SLC8A1: variants seen among roughly 807,000 people sequenced by gnomAD.
The protein encoded by SLC8A1 is solute carrier family 8 member A1.
SLC8A1 carries 18 observed loss-of-function variants against 68.3 expected under a neutral mutation model. That is an observed-to-expected ratio of 0.26 (90% confidence interval 0.18 to 0.39). The LOEUF is 0.39. SLC8A1 is among the 10% of genes least tolerant of loss of function. The pLI, the probability that SLC8A1 is intolerant of heterozygous loss-of-function variation, is 1.00. For missense variants in SLC8A1, 985 were observed against 1,156.7 expected, an observed-to-expected ratio of 0.85 and a Z score of 2.15; for synonymous variants, 475 against 415.5, an observed-to-expected ratio of 1.14 and a Z score of -1.74.
intron 2 of SLC8A1, among the ~76,000 whole-genome samples, chr2:40,414,425 T>C (rs1055433400): frequency 6.6e-6 from 1 of 152,210 alleles, no homozygotes; most frequent in African/African-American, 2.4e-5. Flanking sequence ...CAGTGTTATT[T>C]GTACATCTGC....
intron 2 of SLC8A1, among the ~76,000 whole-genome samples, chr2:40,224,110 T>A (rs1364150570): frequency 6.6e-6 from 1 of 152,172 alleles, no homozygotes; most frequent in East Asian, 1.9e-4. Context: ...TACATGATGT[T>A]GCTCGGCAGT....
intron 2 of SLC8A1, among the ~76,000 whole-genome samples, chr2:40,397,710 T>G (rs1462707620): frequency 6.6e-6 from 1 of 152,014 alleles, no homozygotes; most frequent in Non-Finnish European, 1.5e-5. Context: ...CATTCAGAAG[T>G]GGAAAGGATT....
chr2:40,239,316 G>C (rs2060886390), intron 2 of SLC8A1, among the ~76,000 whole-genome samples: 1 of 152,116 alleles, frequency 6.6e-6, no homozygotes, highest in Non-Finnish European at 1.5e-5. Context: ...TTAGCTGTCT[G>C]AGTGGCACAC....
chr2:40,497,990 A>G (rs1396470279), intron 1 of SLC8A1, among the ~76,000 whole-genome samples: 1 of 152,008 alleles, frequency 6.6e-6, no homozygotes, highest in African/African-American at 2.4e-5. Context: ...ATGGTAATGG[A>G]TATGAGAGAC....
At chr2:40,322,937 A>G (rs914299719) in intron 2 of SLC8A1, among the ~76,000 whole-genome samples, 5 of 152,258 alleles carry the variant, frequency 3.3e-5, no homozygotes, top group Middle Eastern at 6.8e-3. Context: ...AAAGATAAAT[A>G]GAGACATATT....
At chr2:40,210,293 T>A (rs2056350977) in intron 2 of SLC8A1, among the ~76,000 whole-genome samples, 1 of 152,010 alleles carries the variant, frequency 6.6e-6, no homozygotes, top group Non-Finnish European at 1.5e-5. Context: ...AACAAGAGCT[T>A]TATTAACACA....
At chr2:40,247,529 A>G (rs2062047608) in intron 2 of SLC8A1, among the ~76,000 whole-genome samples, 1 of 152,104 alleles carries the variant, frequency 6.6e-6, no homozygotes, top group African/African-American at 2.4e-5. Context: ...CTTATGCTAG[A>G]GCACCAGATG....
At chr2:40,348,646 G>A (rs1049331691) in intron 2 of SLC8A1, among the ~76,000 whole-genome samples, 1 of 152,146 alleles carries the variant, frequency 6.6e-6, no homozygotes, top group African/African-American at 2.4e-5. Context: ...TACGGGGATG[G>A]GTCTTGCAGA....
At chr2:40,252,880 ATTTTGAGCCAAATTTTATATG>A (rs879397799) in intron 2 of SLC8A1, among the ~76,000 whole-genome samples, 10,875 of 129,524 alleles carry the variant, frequency 0.084, 416 homozygotes, top group African/African-American at 0.15. Context: ...AATAATATAT[ATTTTGAGCCAAATTTTATATG>A]TATGTATATG....
intron 2 of SLC8A1, among the ~76,000 whole-genome samples, chr2:40,409,547 G>C (rs7577611): frequency 0.064 from 9,782 of 152,238 alleles, 747 homozygotes; most frequent in East Asian, 0.38. Context: ...GAGCAGGTAT[G>C]CAGTCATTCC....
chr2:40,182,392 A>G (rs552630802), intron 2 of SLC8A1, among the ~76,000 whole-genome samples: 7 of 152,356 alleles, frequency 4.6e-5, no homozygotes, highest in Non-Finnish European at 1.0e-4. Flanking sequence ...GTTTCTGGAA[A>G]CTAGCAAAGC....
At chr2:40,304,709 A>G (rs1387576121) in intron 2 of SLC8A1, among the ~76,000 whole-genome samples, 1 of 151,828 alleles carries the variant, frequency 6.6e-6, no homozygotes, top group African/African-American at 2.4e-5. Flanking sequence ...CTGCTCACTG[A>G]TCACCTCCAC....
At chr2:40,373,230 T>G (rs989553642) in intron 2 of SLC8A1, among the ~76,000 whole-genome samples, 4 of 152,104 alleles carry the variant, frequency 2.6e-5, no homozygotes, top group African/African-American at 9.7e-5. Context: ...AAATTAAATT[T>G]ATCTCTGGGT....
At chr2:40,261,521 G>C (rs975295824) in intron 2 of SLC8A1, among the ~76,000 whole-genome samples, 2 of 152,164 alleles carry the variant, frequency 1.3e-5, no homozygotes, top group Non-Finnish European at 2.9e-5. Context: ...CAATCCCAAG[G>C]TCTTTCTTGG....
At chr2:40,240,597 A>C (rs1482712551) in intron 2 of SLC8A1, among the ~76,000 whole-genome samples, 2 of 152,250 alleles carry the variant, frequency 1.3e-5, no homozygotes, top group Non-Finnish European at 2.9e-5. Flanking sequence ...ATTTATGAAC[A>C]CTTTTTTGTA....
chr2:40,379,429 C>T (rs1680993232), intron 2 of SLC8A1, among the ~76,000 whole-genome samples: 1 of 152,032 alleles, frequency 6.6e-6, no homozygotes, highest in Admixed American at 6.6e-5. Flanking sequence ...TAAGATGATA[C>T]TTAAATTTTG....
chr2:40,416,674 C>G (rs993689042), intron 2 of SLC8A1, among the ~76,000 whole-genome samples: 11 of 152,052 alleles, frequency 7.2e-5, no homozygotes, highest in African/African-American at 2.7e-4. Context: ...CTGGTCTGGT[C>G]TAGGTAGCGA....
chr2:40,362,938 A>G (rs1410300207), intron 2 of SLC8A1, among the ~76,000 whole-genome samples: 1 of 152,102 alleles, frequency 6.6e-6, no homozygotes, highest in Admixed American at 6.6e-5. Flanking sequence ...CATGCAATAC[A>G]GTTTATCTAG....
chr2:40,456,841 G>T (rs1360686316), upstream of SLC8A1, among the ~76,000 whole-genome samples: 1 of 152,104 alleles, frequency 6.6e-6, no homozygotes, highest in Non-Finnish European at 1.5e-5. Context: ...TTATGCTGTT[G>T]TTTTTGTTAT....
Sources: gnomAD v4.1 joint callset for allele counts (sites outside exome capture counted in the v4.1 genomes callset) on GRCh38, gnomAD v4.1.1 for gene constraint, MANE v1.5 for transcripts, NCBI Gene and HGNC (gene_info 2026-07-23, HGNC 2026-07-21) for gene names.